RNLS: variants seen among roughly 807,000 people sequenced by gnomAD.
The protein encoded by RNLS is renalase, FAD dependent amine oxidase.
In RNLS, 39 loss-of-function variants were observed where a neutral mutation model predicts 39.8. The ratio of observed to expected loss-of-function variants is 0.98; its 90% CI spans 0.76 to 1.28. The LOEUF (loss-of-function observed/expected upper bound fraction) is 1.28, where lower values mean the gene tolerates loss of function less well. Among genes scored for constraint, RNLS ranks in the 50% most tolerant of loss-of-function variants. The pLI is 0.00. For synonymous variants in RNLS, 147 were observed against 150.7 expected (o/e 0.98, Z 0.18); for missense variants, 410 against 413.3 (o/e 0.99, Z 0.07).
chr10:88,418,827 C>G (rs188303429), intron 4 of RNLS, among the ~76,000 whole-genome samples: 210 of 152,268 alleles, frequency 1.4e-3, no homozygotes, highest in African/African-American at 4.9e-3. Context: ...GAAGTCTTTA[C>G]AAATGGTATG....
At chr10:88,348,064 G>T (rs112970945) in intron 5 of RNLS, among the ~76,000 whole-genome samples, 1 of 152,070 alleles carries the variant, frequency 6.6e-6, no homozygotes, top group Non-Finnish European at 1.5e-5. Flanking sequence ...GAAAGACTGC[G>T]CCAGTTCCCA....
chr10:88,269,547 C>A (rs777272930), downstream of RNLS, among the ~76,000 whole-genome samples: 9 of 152,116 alleles, frequency 5.9e-5, no homozygotes, highest in Non-Finnish European at 1.3e-4. Context: ...ACAGGAGGCT[C>A]TGGGTTTACA....
intron 4 of RNLS, among the ~76,000 whole-genome samples, chr10:88,394,122 A>G (rs1258074239): frequency 6.6e-6 from 1 of 152,246 alleles, no homozygotes; most frequent in Non-Finnish European, 1.5e-5. Context: ...CATTAAGGAC[A>G]TAGGCATGGG....
At chr10:88,192,571 C>A in the RNLS span, among the ~76,000 whole-genome samples, 1 of 152,154 alleles carries the variant, frequency 6.6e-6, no homozygotes, top group African/African-American at 2.4e-5. Context: ...TGGAATTTTC[C>A]ACACCTACTT....
chr10:88,404,363 C>G (rs1439005368), intron 4 of RNLS, among the ~76,000 whole-genome samples: 2 of 152,060 alleles, frequency 1.3e-5, no homozygotes, highest in African/African-American at 2.4e-5. Context: ...GTTTCATCAT[C>G]TGGATAATGA....
At chr10:88,233,976 C>T in the RNLS span, among the ~76,000 whole-genome samples, 1 of 150,342 alleles carries the variant, frequency 6.7e-6, no homozygotes, top group Non-Finnish European at 1.5e-5. Context: ...TTCCTGGAAA[C>T]CGGTCAGTAC....
intron 6 of RNLS, among the ~76,000 whole-genome samples, chr10:88,289,824 G>A (rs1323006104): frequency 2.0e-5 from 3 of 152,140 alleles, no homozygotes; most frequent in Non-Finnish European, 2.9e-5. Flanking sequence ...TCAAATGGAG[G>A]AACTATTGTA....
intron 4 of RNLS, among the ~76,000 whole-genome samples, chr10:88,414,120 C>T (rs1853866835): frequency 6.6e-6 from 1 of 152,034 alleles, no homozygotes; most frequent in South Asian, 2.1e-4. Context: ...GACACCTCTT[C>T]ACCATGAAGC....
downstream of RNLS, among the ~76,000 whole-genome samples, chr10:88,279,600 A>AAGGAAATGAATCTC (rs57918270): frequency 0.28 from 42,194 of 151,950 alleles, 5,969 homozygotes; most frequent in African/African-American, 0.34. Flanking sequence ...GAATCTGCAT[A>AAGGAAATGAATCTC]CTTAGCCAAA....
chr10:88,561,735 A>G (rs996621759), intron 4 of RNLS, among the ~76,000 whole-genome samples: 4 of 152,178 alleles, frequency 2.6e-5, no homozygotes, highest in African/African-American at 9.6e-5. Flanking sequence ...ATGGCAAATG[A>G]AATAATAAAC....
At chr10:88,317,085 C>A (rs1845817650) in intron 5 of RNLS, among the ~76,000 whole-genome samples, 1 of 152,064 alleles carries the variant, frequency 6.6e-6, no homozygotes, top group Non-Finnish European at 1.5e-5. Flanking sequence ...TTTTTCTTTT[C>A]TTTATTCAGT....
intron 4 of RNLS, among the ~76,000 whole-genome samples, chr10:88,485,828 C>A (rs2134039899): frequency 6.6e-6 from 1 of 151,834 alleles, no homozygotes; most frequent in South Asian, 2.1e-4. Context: ...TCAGTACGCA[C>A]CGACTGAATG....
intron 5 of RNLS, among the ~76,000 whole-genome samples, chr10:88,319,181 C>T (rs917244915): frequency 3.3e-5 from 5 of 152,150 alleles, no homozygotes; most frequent in African/African-American, 1.2e-4. Context: ...ACCCATACAG[C>T]ACCTTGGTCC....
chr10:88,309,993 G>A (rs542333500), intron 6 of RNLS, among the ~76,000 whole-genome samples: 5 of 151,874 alleles, frequency 3.3e-5, no homozygotes, highest in South Asian at 2.1e-4. Context: ...CAGGCAGATC[G>A]CTTGAGTCCT....
At chr10:88,510,689 A>G (rs564431670) in intron 4 of RNLS, among the ~76,000 whole-genome samples, 171 of 152,002 alleles carry the variant, frequency 1.1e-3, no homozygotes, top group African/African-American at 4.0e-3. Flanking sequence ...ATAAAAATAT[A>G]AAAAATTAGC....
intron 5 of RNLS, among the ~76,000 whole-genome samples, chr10:88,350,970 C>G (rs770406426): frequency 5.9e-5 from 9 of 152,194 alleles, no homozygotes; most frequent in Non-Finnish European, 1.0e-4. Flanking sequence ...TTTTGCATTT[C>G]TCTGATGGCC....
At chr10:88,389,373 G>T (rs1057291425) in intron 4 of RNLS, among the ~76,000 whole-genome samples, 5 of 152,018 alleles carry the variant, frequency 3.3e-5, no homozygotes, top group Non-Finnish European at 4.4e-5. Context: ...TCACACATTG[G>T]CCATAATAAA....
At chr10:88,548,181 G>A (rs1224888572) in intron 4 of RNLS, among the ~76,000 whole-genome samples, 3 of 138,374 alleles carry the variant, frequency 2.2e-5, no homozygotes, top group African/African-American at 7.9e-5. Flanking sequence ...AGAATTGCTT[G>A]AACCCGGGAG....
chr10:88,557,989 GCA>G (rs1848964293), intron 4 of RNLS, among the ~76,000 whole-genome samples: 1 of 152,102 alleles, frequency 6.6e-6, no homozygotes, highest in Non-Finnish European at 1.5e-5. Flanking sequence ...TCTAAAAGAA[GCA>G]CACAGTCAGT....
Sources: gnomAD v4.1 joint callset for allele counts (sites outside exome capture counted in the v4.1 genomes callset) on GRCh38, gnomAD v4.1.1 for gene constraint, MANE v1.5 for transcripts, NCBI Gene and HGNC (gene_info 2026-07-23, HGNC 2026-07-21) for gene names.